The following PHIP variants were observed in gnomAD, a reference collection of about 807,000 sequenced individuals.
PHIP encodes the protein PHIP subunit of CUL4-Ring ligase complex.
Under a neutral mutation model 236.8 loss-of-function variants are expected in PHIP, and 54 were observed. The ratio of observed to expected loss-of-function variants is 0.23; its 90% confidence interval spans 0.18 to 0.29. The LOEUF (loss-of-function observed/expected upper bound fraction) is 0.29, where lower values mean the gene tolerates loss of function less well. PHIP is among the 10% of genes least tolerant of loss of function. PHIP has a pLI of 1.00. For synonymous variants in PHIP, 756 were observed against 718.9 expected (o/e 1.05, Z -0.83); for missense variants, 1,370 against 2,190.8 (o/e 0.63, Z 7.48).
chr6:78,973,357 T>G (rs933285757), intron 24 of PHIP, among the ~76,000 whole-genome samples: 3 of 150,266 alleles, frequency 2.0e-5, no homozygotes, highest in African/African-American at 7.4e-5. Context: ...AGGCCTGCCC[T>G]ACAAGAGCTC....
chr6:78,977,912 T>A (rs550937083), intron 24 of PHIP, among the ~76,000 whole-genome samples: 102 of 152,304 alleles, frequency 6.7e-4, no homozygotes, highest in African/African-American at 2.0e-3. Context: ...TAAATTAGTG[T>A]GCTTTGCTAA....
At chr6:79,058,431 T>C (rs1773184008) in intron 6 of PHIP, among the ~76,000 whole-genome samples, 1 of 152,142 alleles carries the variant, frequency 6.6e-6, no homozygotes, top group African/African-American at 2.4e-5. Flanking sequence ...TTTGATTTTA[T>C]AAATATTTGG....
intron 24 of PHIP, among the ~76,000 whole-genome samples, chr6:78,977,419 A>G (rs1247076219): frequency 5.9e-5 from 9 of 152,152 alleles, no homozygotes; most frequent in Non-Finnish European, 1.0e-4. Flanking sequence ...AGATATACCT[A>G]ATGCTAGATG....
At chr6:78,973,406 C>T (rs1370935824) in intron 24 of PHIP, among the ~76,000 whole-genome samples, 1 of 149,490 alleles carries the variant, frequency 6.7e-6, no homozygotes, top group African/African-American at 2.5e-5. Context: ...AAAACCGGTA[C>T]CAGCCGCTGC....
At chr6:79,036,921 C>CAAAAAA (rs34875528) in intron 7 of PHIP, among the ~76,000 whole-genome samples, 31 of 38,932 alleles carry the variant, frequency 8.0e-4, no homozygotes, top group East Asian at 3.4e-3. Flanking sequence ...GACTCCGTCT[C>CAAAAAA]AAAAAAAAAA....
intron 6 of PHIP, among the ~76,000 whole-genome samples, chr6:79,054,987 T>C (rs1773000257): frequency 6.6e-6 from 1 of 151,944 alleles, no homozygotes; most frequent in Non-Finnish European, 1.5e-5. Flanking sequence ...ATTAATTGGA[T>C]GTCTGGGTAG....
chr6:79,003,277 G>T (rs1373550990), intron 16 of PHIP, among the ~76,000 whole-genome samples: 3 of 151,528 alleles, frequency 2.0e-5, no homozygotes, highest in African/African-American at 7.3e-5. Flanking sequence ...AACTGGACAG[G>T]ATCTTTAATA....
At chr6:78,969,996 G>C in intron 26 of PHIP, 53 bp downstream of exon 26, 1 of 1,600,304 alleles carries the variant, frequency 6.2e-7, no homozygotes, top group Non-Finnish European at 8.5e-7. Context: ...TCTGAATCTT[G>C]AAAAACAATC....
chr6:78,966,130 C>CT lies in PHIP; in HGVS notation c.3206-75dup, dbSNP rs527658946. ...GTCACTGCTTTTTCCTAACGTTAACCTTTAAGTACCTAAACTGCCTGTATG... is the reference window on the plus strand; with the variant it reads ...GTCACTGCTTTTTCCTAACGTTAACCTTTTAAGTACCTAAACTGCCTGTATG... On this transcript the variant is annotated intron_variant, in intron 27 of 39. Transcript: ENST00000275034. 1,044 of 878,014 alleles carry CT rather than the reference C, an allele frequency of 1.2e-3. 18 individuals are homozygous for CT. The South Asian group carries it at 0.014, about 12-fold the overall frequency. 54.4% of individuals were successfully genotyped at this position (878,014 alleles called of 1,614,324 possible). A position where few individuals can be genotyped will look rare whatever the true frequency, so the allele number is the denominator to read the frequency against.
intron 6 of PHIP, among the ~76,000 whole-genome samples, chr6:79,043,795 C>T (rs182241335): frequency 1.3e-5 from 2 of 149,904 alleles, no homozygotes; most frequent in East Asian, 3.9e-4. Context: ...TCTGCAGGCA[C>T]ATTATTAACC....
chr6:79,015,775 A>T lies in PHIP; in HGVS notation c.1244T>A (p.Leu415His), dbSNP rs1770805488. ...DMATRPAGQN[L>H]QGIEDKITKM... ...TGTGATTTTATCTTCTATTCCTTGA[A>T]GGTTTTGGCTGAAAGTGAGGAAGTG... Residue 415 changes from leucine to histidine, a missense_variant, in exon 14 of 40, where the codon CTT (leucine) becomes CAT (histidine). Leu to His is a moderately conservative substitution (Grantham distance 99). This residue lies in a region of PHIP where 188 missense variants were observed against 354.3 expected (regional missense o/e 0.53). Transcript: ENST00000275034. 1 of 1,608,434 alleles carries T rather than the reference A, an allele frequency of 6.2e-7. No individual in the cohort carries two copies. The highest frequency in any genetic ancestry group is 8.5e-7 in the Non-Finnish European group (1 of 1,177,512).
At chr6:78,959,805 C>T (rs1305972673) in intron 31 of PHIP, among the ~76,000 whole-genome samples, 1 of 152,122 alleles carries the variant, frequency 6.6e-6, no homozygotes, top group Non-Finnish European at 1.5e-5. Flanking sequence ...AGATGTTCCT[C>T]AACTAACGAT....
chr6:79,059,655 AC>A (rs1773266073), intron 6 of PHIP, among the ~76,000 whole-genome samples: 1 of 145,710 alleles, frequency 6.9e-6, no homozygotes, highest in African/African-American at 2.5e-5. Flanking sequence ...ATATAAACTT[AC>A]GATCTGTATA....
At chr6:79,027,523 T>C (rs553619982) in intron 7 of PHIP, among the ~76,000 whole-genome samples, 1 of 152,310 alleles carries the variant, frequency 6.6e-6, no homozygotes, top group South Asian at 2.1e-4. Flanking sequence ...CATTCATTTA[T>C]CCCTTTGTCT....
intron 24 of PHIP, among the ~76,000 whole-genome samples, chr6:78,978,122 TA>T (rs1045587566): frequency 6.6e-6 from 1 of 152,092 alleles, no homozygotes; most frequent in Non-Finnish European, 1.5e-5. Context: ...TCTTAAAAAT[TA>T]AATAGTATTT....
At chr6:78,954,292 G>A (rs1412927282) in intron 35 of PHIP, among the ~76,000 whole-genome samples, 3 of 151,358 alleles carry the variant, frequency 2.0e-5, no homozygotes, top group Admixed American at 6.6e-5. Context: ...ATTTTAAGTA[G>A]AGACGGGATT....
chr6:78,998,233 T>C (rs1050280739), intron 18 of PHIP, 21 bp downstream of exon 18: 1 of 1,593,830 alleles, frequency 6.3e-7, no homozygotes, highest in Non-Finnish European at 8.6e-7. Context: ...ATATTTCACT[T>C]AAAATAGAAT....
chr6:78,973,765 A>C (rs936795505), intron 24 of PHIP, among the ~76,000 whole-genome samples: 3 of 152,006 alleles, frequency 2.0e-5, no homozygotes, highest in Admixed American at 6.6e-5. Flanking sequence ...AACAAAGATC[A>C]AAAGAGACAA....
intron 30 of PHIP, among the ~76,000 whole-genome samples, chr6:78,962,412 G>A (rs960192407): frequency 6.6e-6 from 1 of 152,028 alleles, no homozygotes; most frequent in Non-Finnish European, 1.5e-5. Flanking sequence ...AATTATTTAA[G>A]GTAGTATTTA....
Sources: allele counts gnomAD v4.1 joint callset (sites outside exome capture counted in the v4.1 genomes callset), GRCh38; gene constraint gnomAD v4.1.1; regional missense constraint gnomAD v4.1.1; transcripts MANE v1.5; gene names NCBI Gene and HGNC (gene_info 2026-07-23, HGNC 2026-07-21).